Variants in FRMPD4 observed in about 807,000 individuals in gnomAD.
The protein encoded by FRMPD4 is FERM and PDZ domain containing 4.
FRMPD4 carries 22 observed loss-of-function variants against 94.1 expected under a neutral mutation model. That is an observed-to-expected ratio of 0.23 (90% CI 0.17 to 0.33). FRMPD4 has a LOEUF of 0.33. Among genes scored for constraint, FRMPD4 ranks in the 10% least tolerant of loss-of-function variants. The pLI, the probability that FRMPD4 is intolerant of heterozygous loss-of-function variation, is 1.00. For synonymous variants in FRMPD4, 631 were observed against 548.6 expected (o/e 1.15, Z -2.10); for missense variants, 1,111 against 1,339.9 (o/e 0.83, Z 2.67).
rs191030179 is a variant in FRMPD4, at chrX:12,335,528, G to A, written c.42-163152G>A. Among the ~76,000 whole-genome samples the A allele has an allele frequency of 3.5e-4, 39 of 111,333 alleles. No individual in the cohort carries two copies. The East Asian group carries it at 0.01, about 29-fold the overall frequency. On this transcript the variant is annotated intron_variant, in intron 1 of 16. Coordinates refer to ENST00000675598, the MANE Select transcript of FRMPD4 (RefSeq NM_001368397.1). ...ACACATTGCCTCCTACCCAACACAA[G>A]GAATGTATTATAAGCCTCCTTCCCC...
intron 4 of FRMPD4, among the ~76,000 whole-genome samples, chrX:12,658,193 T>C (rs2059678028): frequency 1.8e-5 from 2 of 111,976 alleles, no homozygotes; most frequent in African/African-American, 6.5e-5. Flanking sequence ...AAAGTCAGCC[T>C]CTAGTACTGA....
At chrX:12,076,354 GTGTA>G (rs1302514270) in intron 3 of FRMPD4, among the ~76,000 whole-genome samples, 4 of 109,046 alleles carry the variant, frequency 3.7e-5, no homozygotes, top group African/African-American at 1.3e-4. Flanking sequence ...GTGTGTGTGT[GTGTA>G]TGTGTGTGTG....
At chrX:12,202,244 A>G (rs1216751586) in intron 1 of FRMPD4, among the ~76,000 whole-genome samples, 2 of 111,991 alleles carry the variant, frequency 1.8e-5, no homozygotes, top group African/African-American at 6.5e-5. Flanking sequence ...AATGATTAAG[A>G]TAGCATCAAT....
chrX:11,951,269 C>T (rs2054221956), intron 3 of FRMPD4, among the ~76,000 whole-genome samples: 1 of 110,669 alleles, frequency 9.0e-6, no homozygotes, highest in African/African-American at 3.3e-5. Flanking sequence ...ATATGTCATT[C>T]CACCATAAAG....
At chrX:12,455,185 T>C (rs958841256) in intron 1 of FRMPD4, among the ~76,000 whole-genome samples, 4 of 110,948 alleles carry the variant, frequency 3.6e-5, no homozygotes, top group African/African-American at 9.8e-5. Flanking sequence ...AAATAAAAAG[T>C]TTATTAAAAA....
intron 1 of FRMPD4, among the ~76,000 whole-genome samples, chrX:12,398,958 C>CT (rs1182022092): frequency 6.4e-5 from 7 of 109,630 alleles, no homozygotes; most frequent in South Asian, 8.0e-4. Context: ...GTATCAGTCC[C>CT]TTTTTTTTTA....
intron 1 of FRMPD4, among the ~76,000 whole-genome samples, chrX:12,434,226 C>T (rs1047525236): frequency 8.9e-6 from 1 of 112,224 alleles, no homozygotes; most frequent in Non-Finnish European, 1.9e-5. Context: ...TTTAGGGAAC[C>T]TCTGTGATGA....
At chrX:12,450,841 A>C in intron 1 of FRMPD4, among the ~76,000 whole-genome samples, 1 of 93,308 alleles carries the variant, frequency 1.1e-5, no homozygotes, top group African/African-American at 4.1e-5. Context: ...TTTGGTTTGG[A>C]CTCAGTGTTG....
chrX:12,621,304 C>A (rs1468244235), intron 4 of FRMPD4, among the ~76,000 whole-genome samples: 1 of 109,894 alleles, frequency 9.1e-6, no homozygotes, highest in African/African-American at 3.3e-5. Flanking sequence ...GCACAGATAC[C>A]AACTCAAGGC....
At chrX:12,012,529 G>A (rs972136358) in intron 3 of FRMPD4, among the ~76,000 whole-genome samples, 1 of 111,366 alleles carries the variant, frequency 9.0e-6, no homozygotes, top group Non-Finnish European at 1.9e-5. Flanking sequence ...CTCTTAGCTC[G>A]TTATGGTACT....
intron 1 of FRMPD4, among the ~76,000 whole-genome samples, chrX:12,161,019 A>G (rs1274297550): frequency 1.8e-5 from 2 of 111,519 alleles, no homozygotes; most frequent in African/African-American, 6.5e-5. Flanking sequence ...TTACTTTGCT[A>G]GTTTCAGAAC....
chrX:12,206,182 G>A (rs1242886478), intron 1 of FRMPD4, among the ~76,000 whole-genome samples: 1 of 112,203 alleles, frequency 8.9e-6, no homozygotes, highest in East Asian at 2.8e-4. Context: ...AAAGATTATT[G>A]TGGTGATTAA....
chrX:12,463,926 C>T (rs144234129), intron 1 of FRMPD4, among the ~76,000 whole-genome samples: 1 of 110,191 alleles, frequency 9.1e-6, no homozygotes, highest in East Asian at 2.8e-4. Flanking sequence ...CGAACCTGGC[C>T]TGTTTTTCAT....
At chrX:12,136,936 C>CACACAA (rs3221615), upstream of FRMPD4, among the ~76,000 whole-genome samples, 7 of 109,237 alleles carry the variant, frequency 6.4e-5, no homozygotes, top group Non-Finnish European at 1.3e-4. Context: ...TACACACACA[C>CACACAA]AAAACATCTT....
At chrX:12,365,661 T>G (rs1476655075) in intron 1 of FRMPD4, among the ~76,000 whole-genome samples, 1 of 111,834 alleles carries the variant, frequency 8.9e-6, no homozygotes, top group Non-Finnish European at 1.9e-5. Flanking sequence ...CTCCTTCTCC[T>G]TCATCTCTTT....
At chrX:11,854,872 CCTT>C (rs1393577274) in intron 1 of FRMPD4, among the ~76,000 whole-genome samples, 17 of 111,668 alleles carry the variant, frequency 1.5e-4, no homozygotes, top group African/African-American at 5.5e-4. Context: ...AGGACGATGG[CCTT>C]CTTCTCACAG....
chrX:12,069,833 G>A (rs964357633), intron 3 of FRMPD4, among the ~76,000 whole-genome samples: 2 of 111,436 alleles, frequency 1.8e-5, no homozygotes, highest in Non-Finnish European at 3.8e-5. Context: ...ATATGCAAAT[G>A]AGATGACAAA....
intron 3 of FRMPD4, among the ~76,000 whole-genome samples, chrX:11,934,545 G>A (rs1216774605): frequency 1.8e-5 from 2 of 112,095 alleles, no homozygotes; most frequent in Non-Finnish European, 3.8e-5. Context: ...ATTTTGGGGA[G>A]CAATTCCAGT....
At chrX:11,842,993 A>G (rs1008166393) in intron 1 of FRMPD4, among the ~76,000 whole-genome samples, 4 of 111,959 alleles carry the variant, frequency 3.6e-5, no homozygotes, top group Non-Finnish European at 3.8e-5. Flanking sequence ...TATTTTACTG[A>G]GAATTTTTGT....
Sources: gnomAD v4.1 joint callset for allele counts (sites outside exome capture counted in the v4.1 genomes callset) on GRCh38, gnomAD v4.1.1 for gene constraint, MANE v1.5 for transcripts, NCBI Gene and HGNC (gene_info 2026-07-23, HGNC 2026-07-21) for gene names.